Variants in RAB11FIP5 observed in about 807,000 individuals in gnomAD.
RAB11FIP5 encodes RAB11 family interacting protein 5, also known as rab11 family-interacting protein 5.
In RAB11FIP5, 48 loss-of-function variants were observed where a neutral mutation model predicts 85.1. The ratio of observed to expected loss-of-function variants is 0.56; its 90% CI spans 0.45 to 0.72. The LOEUF (loss-of-function observed/expected upper bound fraction) is 0.72. Among genes scored for constraint, RAB11FIP5 ranks in the 30% least tolerant of loss-of-function variants. RAB11FIP5 has a pLI of 0.00. For synonymous variants in RAB11FIP5, 729 were observed against 727.3 expected (o/e 1.00, Z -0.04); for missense variants, 1,491 against 1,687.0 (o/e 0.88, Z 2.04).
rs188750444 is a variant in RAB11FIP5 at position 73,076,810 on chromosome 2, C to A, written c.3582-628G>T. ...AAGCCTCTCCGCAGCAGCATGGAGA[C>A]TACATTTGTATAATTTCTTACCTTT... is the stretch of plus-strand genomic sequence containing the variant. On this transcript the variant is annotated intron_variant, in intron 4 of 5. Transcript: ENST00000486777. Among the ~76,000 whole-genome samples, 279 of 152,302 alleles carry A rather than the reference C, an allele frequency of 1.8e-3. 2 individuals carry two copies. Among genetic ancestry groups the A allele is most frequent in the Middle Eastern group, 6.8e-3 (2 of 294 alleles).
chr2:73,089,294 C>T lies in RAB11FIP5; in HGVS notation c.453G>A (p.Lys151=). The part of the protein sequence containing the change: ...QHTQWYKLHS[K]PGKKEKERGE... Reference sequence around the variant, plus strand: ...CGCGTTCCTTCTCCTTCTTGCCTGGCTTGGAGTGCAGCTTGTACCACCTGT... The same window carrying T: ...CGCGTTCCTTCTCCTTCTTGCCTGGTTTGGAGTGCAGCTTGTACCACCTGT... Residue 151 remains lysine (K), a synonymous_variant, in exon 2 of 6, where the codon AAG becomes AAA. Coordinates refer to ENST00000486777, the MANE Select transcript of RAB11FIP5 (RefSeq NM_001371272.1). The surrounding 1 kb of genome is among the most constrained non-coding windows in gnomAD (Gnocchi z 4.6). 1 of 1,613,930 alleles carries T rather than the reference C, an allele frequency of 6.2e-7. No homozygotes were observed. Among genetic ancestry groups the T allele is most frequent in the Non-Finnish European group, 8.5e-7 (1 of 1,179,994 alleles).
chr2:73,096,723 G>A (rs1412238201), intron 1 of RAB11FIP5, among the ~76,000 whole-genome samples: 1 of 152,140 alleles, frequency 6.6e-6, no homozygotes, highest in African/African-American at 2.4e-5. Context: ...CTGTTTACCT[G>A]ACGTCCACAT....
intron 4 of RAB11FIP5, among the ~76,000 whole-genome samples, chr2:73,077,951 A>C (rs1683895347): frequency 6.6e-6 from 1 of 152,248 alleles, no homozygotes; most frequent in Non-Finnish European, 1.5e-5. Context: ...AGGAAGGGTC[A>C]CCCAGACCCA....
At position 73,075,812 on chromosome 2, in the gene RAB11FIP5, A is replaced by G; in HGVS notation, c.3772-88T>C. 1 of 1,490,508 alleles carries G rather than the reference A, an allele frequency of 6.7e-7. No homozygotes were observed. Among genetic ancestry groups the G allele is most frequent in the Non-Finnish European group, 9.1e-7 (1 of 1,095,862 alleles). The allele number at this position is 1,490,508 out of a possible 1,614,324, so 92.3% of individuals were successfully genotyped here. On this transcript the variant is annotated intron_variant, in intron 5 of 5. Coordinates refer to ENST00000486777, the MANE Select transcript of RAB11FIP5 (RefSeq NM_001371272.1). The surrounding 1 kb of genome is among the most constrained non-coding windows in gnomAD (Gnocchi z 4.6). ...TGCCCGCCCGCCCGCCTGCCCACCA[A>G]CACCTAAGTTTCACCACCACAGGGC...
chr2:73,090,018 C>T (rs990049529), intron 1 of RAB11FIP5, among the ~76,000 whole-genome samples: 3 of 152,098 alleles, frequency 2.0e-5, no homozygotes, highest in South Asian at 2.1e-4. Flanking sequence ...AGACGAAGAG[C>T]GCTCATATCT....
At chr2:73,083,359 A>C (rs951266987) in intron 3 of RAB11FIP5, among the ~76,000 whole-genome samples, 2 of 152,202 alleles carry the variant, frequency 1.3e-5, no homozygotes, top group African/African-American at 4.8e-5. Context: ...GGTAGCTCCA[A>C]AGATGGTTCT....
chr2:73,109,952 C>T (rs1377560627), intron 1 of RAB11FIP5, among the ~76,000 whole-genome samples: 1 of 152,206 alleles, frequency 6.6e-6, no homozygotes, highest in Non-Finnish European at 1.5e-5. Context: ...TCATCCCTCA[C>T]ATCAACCATA....
intron 3 of RAB11FIP5, 26 bp downstream of exon 3, chr2:73,088,024 C>T: frequency 6.4e-7 from 1 of 1,563,398 alleles, no homozygotes; most frequent in Non-Finnish European, 8.7e-7. Flanking sequence ...CCCCAAGGAG[C>T]AAAGTTGGTC....
intron 1 of RAB11FIP5, among the ~76,000 whole-genome samples, chr2:73,105,932 C>T (rs930516581): frequency 2.0e-5 from 3 of 152,216 alleles, no homozygotes; most frequent in African/African-American, 4.8e-5. Flanking sequence ...GTGACTCATG[C>T]CTATAATCTC....
intron 1 of RAB11FIP5, among the ~76,000 whole-genome samples, chr2:73,101,043 G>T (rs533093910): frequency 1.4e-5 from 2 of 143,918 alleles, no homozygotes; most frequent in South Asian, 2.4e-4. Flanking sequence ...GTGGTGGGGT[G>T]GGGGGGATTT....
At chr2:73,106,904 C>T (rs1184742653) in intron 1 of RAB11FIP5, among the ~76,000 whole-genome samples, 6 of 152,162 alleles carry the variant, frequency 3.9e-5, no homozygotes, top group African/African-American at 9.7e-5. Context: ...GATACCCCCT[C>T]CCCACCCTGC....
At position 73,081,153 on chromosome 2, in the gene RAB11FIP5, T is replaced by G; in HGVS notation, c.2079A>C (p.Ala693=). The change falls in exon 4 of 6, where the codon GCA becomes GCC. Residue 693 remains alanine (A), a synonymous_variant. Coordinates refer to ENST00000486777, the MANE Select transcript of RAB11FIP5 (RefSeq NM_001371272.1). This position sits in a 1 kb window ranked among gnomAD's most constrained non-coding sequence, Gnocchi z 4.2. ...DPGPGAMTAK[A]AEPQGEPGGG... ...CCCCAGGCTCTCCCTGGGGCTCAGCTGCCTTCGCAGTCATGGCCCCAGGGC... is the reference window on the plus strand; with the variant it reads ...CCCCAGGCTCTCCCTGGGGCTCAGCGGCCTTCGCAGTCATGGCCCCAGGGC... 8.1e-7 allele frequency: 1 copy of G among 1,233,026 alleles called. No individual in the cohort carries two copies. Among genetic ancestry groups the G allele is most frequent in the Non-Finnish European group, 1.0e-6 (1 of 988,668 alleles). 76.4% of individuals were successfully genotyped at this position (1,233,026 alleles called of 1,614,324 possible).
At position 73,081,372 on chromosome 2, in the gene RAB11FIP5, A is replaced by C; in HGVS notation, c.1860T>G (p.Ser620=). ...EELIADIALN[S]PSPAPSLPSA... is the part of the protein sequence containing the mutation. The stretch of plus-strand genomic sequence containing the variant: ...TGGGGAGAGAGGGAGCAGGTGAAGG[A>C]GAGTTTAGTGCTATGTCGGCTATGA... The change falls in exon 4 of 6, where the codon TCT becomes TCG. Residue 620 remains serine, a synonymous_variant. Transcript: ENST00000486777. This position sits in a 1 kb window ranked among gnomAD's most constrained non-coding sequence, Gnocchi z 4.2. 1 of 1,232,770 alleles carries C rather than the reference A, an allele frequency of 8.1e-7. No homozygotes were observed. The highest frequency in any genetic ancestry group is 4.2e-5 in the Admixed American group (1 of 23,718). 76.4% of individuals were successfully genotyped at this position (1,232,770 alleles called of 1,614,324 possible).
chr2:73,081,384 T>C lies in RAB11FIP5; in HGVS notation c.1848A>G (p.Ile616Met). 2 of 1,232,590 alleles carry C rather than the reference T, an allele frequency of 1.6e-6. No individual in the cohort carries two copies. Among genetic ancestry groups the C allele is most frequent in the Non-Finnish European group, 2.0e-6 (2 of 988,284 alleles). 76.4% of individuals were successfully genotyped at this position (1,232,590 alleles called of 1,614,324 possible). A position where few individuals can be genotyped will look rare whatever the true frequency, so the allele number is the denominator to read the frequency against. ...GAGCAGGTGAAGGAGAGTTTAGTGC[T>C]ATGTCGGCTATGAGCTCCTCGAAGA... ...NPFFEELIAD[I>M]ALNSPSPAPS... Residue 616 changes from isoleucine (I) to methionine (M), a missense_variant, in exon 4 of 6, where the codon ATA (isoleucine) becomes ATG (methionine). Around this residue, in one of 3 missense-constraint regions of RAB11FIP5, gnomAD observed 1,211 missense variants for 1,338.0 expected, o/e 0.91. Coordinates refer to ENST00000486777, the MANE Select transcript of RAB11FIP5 (RefSeq NM_001371272.1). The surrounding 1 kb of genome is among the most constrained non-coding windows in gnomAD (Gnocchi z 4.2).
At chr2:73,103,239 G>A (rs1355471775) in intron 1 of RAB11FIP5, among the ~76,000 whole-genome samples, 1 of 152,160 alleles carries the variant, frequency 6.6e-6, no homozygotes, top group Admixed American at 6.5e-5. Context: ...CACCATGCCT[G>A]GCACCAGCAA....
intron 4 of RAB11FIP5, among the ~76,000 whole-genome samples, chr2:73,076,937 A>C (rs760729894): frequency 3.3e-5 from 5 of 151,990 alleles, no homozygotes; most frequent in Non-Finnish European, 5.9e-5. Context: ...CACCTCACTG[A>C]CCTCTGTGGA....
rs949656188 is a variant in RAB11FIP5 at position 73,081,966 on chromosome 2, T to C, written c.1569-303A>G. 6.6e-6 allele frequency among the ~76,000 whole-genome samples: 1 copy of C among 151,910 alleles called. No individual in the cohort carries two copies. Among genetic ancestry groups the C allele is most frequent in the African/African-American group, 2.4e-5 (1 of 41,338 alleles). ...ACCAAGTGTTCTTTCCTCTATCCCA[T>C]GCTGAAGCTTCTAAGGTTCTACTCA... On this transcript the variant is annotated intron_variant, in intron 3 of 5. Transcript: ENST00000486777. This position sits in a 1 kb window ranked among gnomAD's most constrained non-coding sequence, Gnocchi z 4.2.
intron 4 of RAB11FIP5, among the ~76,000 whole-genome samples, chr2:73,077,118 C>A (rs1282534290): frequency 6.6e-6 from 1 of 152,202 alleles, no homozygotes; most frequent in African/African-American, 2.4e-5. Context: ...TAATCTCCAT[C>A]TCTAACCCAG....
chr2:73,086,919 C>G lies in RAB11FIP5; in HGVS notation c.1568+1131G>C, dbSNP rs1367010051. ...ACAGGGATTGTCAGCTGACCATGGC[C>G]CAAACCTAGAAAGGCCTGCATGTCT... On this transcript the variant is annotated intron_variant, in intron 3 of 5. Coordinates refer to ENST00000486777, the MANE Select transcript of RAB11FIP5 (RefSeq NM_001371272.1). The surrounding 1 kb of genome is among the most constrained non-coding windows in gnomAD (Gnocchi z 4.4). 6.6e-6 allele frequency among the ~76,000 whole-genome samples: 1 copy of G among 152,124 alleles called. No homozygotes were observed. Among genetic ancestry groups the G allele is most frequent in the Non-Finnish European group, 1.5e-5 (1 of 68,010 alleles).
Sources: allele counts gnomAD v4.1 joint callset (sites outside exome capture counted in the v4.1 genomes callset), GRCh38; gene constraint gnomAD v4.1.1; regional missense constraint gnomAD v4.1.1; non-coding constraint Gnocchi (gnomAD v3.1); transcripts MANE v1.5; gene names NCBI Gene and HGNC (gene_info 2026-07-23, HGNC 2026-07-21).